DVL1: variants seen among roughly 807,000 people sequenced by gnomAD.
DVL1 encodes segment polarity protein dishevelled homolog DVL-1.
DVL1 carries 49 observed loss-of-function variants against 65.0 expected under a neutral mutation model. The ratio of observed to expected loss-of-function variants is 0.75; its 90% CI spans 0.60 to 0.96. DVL1 has a LOEUF of 0.96. DVL1 is among the 40% of genes least tolerant of loss of function. The probability of loss-of-function intolerance (pLI) is 0.00; values close to 1 mark genes in which losing one functional copy is unlikely to be tolerated. For synonymous variants in DVL1, 608 were observed against 433.9 expected (o/e 1.40, Z -4.99); for missense variants, 1,197 against 1,045.4 (o/e 1.15, Z -2.00).
At position 1,340,005 on chromosome 1, in the gene DVL1, C is replaced by T. The variant is rs1401087352; in HGVS notation, c.909+33G>A. The T allele has an allele frequency of 6.3e-6, 10 of 1,598,964 alleles. No individual in the cohort carries two copies. The East Asian group carries it at 2.2e-4, about 36-fold the overall frequency. On this transcript the variant is annotated intron_variant, in intron 8 of 14. Transcript: ENST00000378888. ...AAAGTCCCCACGGACCCACCCGCAG[C>T]TACATGTCACCCCGCAGCCCCCACA...
Position 1,349,152 on chromosome 1 carries a change from C to T in DVL1, c.-87G>A. ...GCTACCCGCCCGCCCGCCTGCGCCCCGCCCGGCCCGCACCGCTCTCGGCCC... is the reference window on the plus strand; with the variant it reads ...GCTACCCGCCCGCCCGCCTGCGCCCTGCCCGGCCCGCACCGCTCTCGGCCC... On this transcript the variant is annotated 5_prime_UTR_variant, in exon 1 of 15. Transcript: ENST00000378888. This position sits in a 1 kb window ranked among gnomAD's most constrained non-coding sequence, Gnocchi z 4.1. 1.2e-6 allele frequency: 1 copy of T among 810,820 alleles called. No individual in the cohort carries two copies. Among genetic ancestry groups the T allele is most frequent in the Non-Finnish European group, 1.5e-6 (1 of 673,164 alleles). The allele number at this position is 810,820 out of a possible 1,614,324, so 50.2% of individuals were successfully genotyped here. A position where few individuals can be genotyped will look rare whatever the true frequency, so the allele number is the denominator to read the frequency against.
chr1:1,337,721 GTCC>G, intron 14 of DVL1: 1 of 684,310 alleles, frequency 1.5e-6, no homozygotes, highest in Non-Finnish European at 2.7e-6. Flanking sequence ...ACGCTTCCCT[GTCC>G]TCCCCATTCA....
intron 1 of DVL1, among the ~76,000 whole-genome samples, chr1:1,348,325 G>GACGGGGCCCACAGGAA (rs1643951524): frequency 6.6e-6 from 1 of 152,182 alleles, no homozygotes; most frequent in African/African-American, 2.4e-5. Context: ...GCTCAGTGGG[G>GACGGGGCCCACAGGAA]ACGGGGCCCA....
intron 1 of DVL1, among the ~76,000 whole-genome samples, chr1:1,347,684 G>A (rs958779843): frequency 1.3e-5 from 2 of 152,254 alleles, no homozygotes; most frequent in Non-Finnish European, 2.9e-5. Flanking sequence ...GCCCAGAGAA[G>A]CAGGGACTGC....
Position 1,341,705 on chromosome 1 carries a change from G to C in DVL1, c.567C>G (p.Ser189Arg). 6.2e-7 allele frequency: 1 copy of C among 1,611,482 alleles called. No individual in the cohort carries two copies. Among genetic ancestry groups the C allele is most frequent in the South Asian group, 1.1e-5 (1 of 90,978 alleles). The part of the protein sequence containing the change: ...STALSSELES[S>R]SFVDSDEDGS... Reference sequence around the variant, plus strand: ...CATCCTCGTCCGAGTCCACAAAGCTGCTGGACTCAAGCTCGCTGCTGAGGG... The same window carrying C: ...CATCCTCGTCCGAGTCCACAAAGCTCCTGGACTCAAGCTCGCTGCTGAGGG... Residue 189 changes from serine to arginine, a missense_variant, in exon 5 of 15, where the codon AGC becomes AGG. Physicochemically the swap from Ser to Arg is moderately radical, Grantham distance 110. Coordinates refer to ENST00000378888, the MANE Select transcript of DVL1 (RefSeq NM_001330311.2).
In DVL1 at chr1:1,340,073, C is replaced by G; in HGVS notation, c.874G>C (p.Asp292His). Residue 292 changes from aspartate (D) to histidine (H), a missense_variant, in exon 8 of 15, where the codon GAC becomes CAC. Physicochemically the swap from Asp to His is moderately conservative, Grantham distance 81 (BLOSUM62 -1). Transcript: ENST00000378888. The stretch of plus-strand genomic sequence containing the variant: ...ATGTCGCCGGGCTCGATGCGGCCGT[C>G]AGCGGCCACAGCCCCGCCCTTCATG... Reference protein sequence around the residue: ...SIMKGGAVAADGRIEPGDMLL... With the variant: ...SIMKGGAVAAHGRIEPGDMLL... 1 of 1,613,034 alleles carries G rather than the reference C, an allele frequency of 6.2e-7. No individual in the cohort carries two copies. Among genetic ancestry groups the G allele is most frequent in the Non-Finnish European group, 8.5e-7 (1 of 1,179,938 alleles).
chr1:1,335,847 G>A lies in DVL1; in HGVS notation c.*295C>T, dbSNP rs1274511404. On this transcript the variant is annotated 3_prime_UTR_variant, in exon 15 of 15. Coordinates refer to ENST00000378888, the MANE Select transcript of DVL1 (RefSeq NM_001330311.2). ...GCTGTGCAGGAGGTGGGGGTCAGCC[G>A]AGAGCCCGAGGGGGTCTTCCTCATC... is the stretch of plus-strand genomic sequence containing the variant. 19 of 485,126 alleles carry A rather than the reference G, an allele frequency of 3.9e-5. No homozygotes were observed. Among genetic ancestry groups the A allele is most frequent in the Middle Eastern group, 5.7e-4 (1 of 1,764 alleles). 30.1% of individuals were successfully genotyped at this position (485,126 alleles called of 1,614,324 possible).
At position 1,340,325 on chromosome 1, in the gene DVL1, G is replaced by C. The variant is rs375604501; in HGVS notation, c.700-9C>G. On this transcript the variant is annotated splice_polypyrimidine_tract_variant and intron_variant, in intron 6 of 14. Transcript: ENST00000378888. ...CTGCTGAAGGAGGAGGCCTATGGAG[G>C]AGAGGGGGCGTGTGTAAAAGGCACG... The C allele has an allele frequency of 1.2e-6, 2 of 1,613,814 alleles. No individual in the cohort carries two copies. The highest frequency in any genetic ancestry group is 2.2e-5 in the South Asian group (2 of 91,090).
chr1:1,341,930 GCC>G (rs1206342962), intron 4 of DVL1, 121 bp downstream of exon 4: 640 of 1,460,868 alleles, frequency 4.4e-4, no homozygotes, highest in Non-Finnish European at 5.4e-4. Context: ...GGCTCGCTGG[GCC>G]TGTGCCTCCA....
intron 14 of DVL1, among the ~76,000 whole-genome samples, chr1:1,336,760 C>T (rs1312031132): frequency 6.6e-6 from 1 of 152,186 alleles, no homozygotes; most frequent in African/African-American, 2.4e-5. Context: ...GGCGCCCCCA[C>T]ACCTCACCCC....
At chr1:1,345,631 G>A (rs759225059) in intron 1 of DVL1, among the ~76,000 whole-genome samples, 4 of 152,182 alleles carry the variant, frequency 2.6e-5, no homozygotes, top group Non-Finnish European at 4.4e-5. Flanking sequence ...GACCCGCCCC[G>A]GGGAGGAATC....
chr1:1,347,689 G>A (rs1401454768), intron 1 of DVL1, among the ~76,000 whole-genome samples: 1 of 152,246 alleles, frequency 6.6e-6, no homozygotes, highest in Non-Finnish European at 1.5e-5. Flanking sequence ...GAGAAGCAGG[G>A]ACTGCAAGGT....
Position 1,348,947 on chromosome 1 carries a change from C to A in DVL1, c.119G>T (p.Arg40Leu). The change falls in exon 1 of 15, where the codon CGG becomes CTG. Residue 40 changes from arginine (R) to leucine (L), a missense_variant. Arg to Leu is a moderately radical substitution (Grantham distance 102). Transcript: ENST00000378888. ...LADFKNVLSN[R>L]PVHAYKFFFK... ...GAAGAATTTGTAGGCGTGCACGGGC[C>A]GGTTGCTGAGCACGTTCTTGAAGTC... 1 of 1,574,708 alleles carries A rather than the reference C, an allele frequency of 6.4e-7. No homozygotes were observed. The highest frequency in any genetic ancestry group is 1.1e-5 in the South Asian group (1 of 90,130).
chr1:1,338,229 T>TGGCCCA, intron 13 of DVL1, 40 bp downstream of exon 13: 1 of 1,522,366 alleles, frequency 6.6e-7, no homozygotes, highest in Non-Finnish European at 9.0e-7. Context: ...CCTCCGGCGT[T>TGGCCCA]CCCCTCCCCC....
In DVL1 at chr1:1,349,145, T is replaced by C. The variant is rs1399493502; in HGVS notation, c.-80A>G. On this transcript the variant is annotated 5_prime_UTR_variant, in exon 1 of 15. Transcript: ENST00000378888. This position sits in a 1 kb window ranked among gnomAD's most constrained non-coding sequence, Gnocchi z 4.1. ...GCGGGGCGCTACCCGCCCGCCCGCC[T>C]GCGCCCCGCCCGGCCCGCACCGCTC... 11 of 839,578 alleles carry C rather than the reference T, an allele frequency of 1.3e-5. No homozygotes were observed. Among genetic ancestry groups the C allele is most frequent in the African/African-American group, 1.9e-5 (1 of 51,448 alleles). 52.0% of individuals were successfully genotyped at this position (839,578 alleles called of 1,614,324 possible). A position where few individuals can be genotyped will look rare whatever the true frequency, so the allele number is the denominator to read the frequency against.
Position 1,335,942 on chromosome 1 carries a change from G to C in DVL1, c.*200C>G. On this transcript the variant is annotated 3_prime_UTR_variant, in exon 15 of 15. Coordinates refer to ENST00000378888, the MANE Select transcript of DVL1 (RefSeq NM_001330311.2). ...GCTCTCGCTGAGGGGCAGAGAGGGA[G>C]CGCCCCCAACACGGCTGCTCAGACA... 2 of 667,396 alleles carry C rather than the reference G, an allele frequency of 3.0e-6. No individual in the cohort carries two copies. Among genetic ancestry groups the C allele is most frequent in the Non-Finnish European group, 5.0e-6 (2 of 400,080 alleles). The allele number at this position is 667,396 out of a possible 1,614,324, so 41.3% of individuals were successfully genotyped here. A position where few individuals can be genotyped will look rare whatever the true frequency, so the allele number is the denominator to read the frequency against.
At chr1:1,341,119 GCCTGCACATGCACA>G (rs1464312117) in intron 5 of DVL1, among the ~76,000 whole-genome samples, 7 of 131,408 alleles carry the variant, frequency 5.3e-5, no homozygotes, top group South Asian at 2.5e-4. Flanking sequence ...GCACACGCAC[GCCTGCACATGCACA>G]CCTGCACGCA....
chr1:1,339,589 G>C lies in DVL1; in HGVS notation c.1047C>G (p.Val349=), dbSNP rs150917044. ...WDPTPRSYFT[V]PRADPVRPID... ...GCCCCGAGGGCCACTCACCCCGTGG[G>C]ACGGTGAAGTAGCTTCGGGGCGTTG... Residue 349 remains valine (V), a synonymous_variant, in exon 10 of 15, where the codon GTC becomes GTG. Transcript: ENST00000378888. The C allele has an allele frequency of 6.2e-7, 1 of 1,607,168 alleles. No individual in the cohort carries two copies. Among genetic ancestry groups the C allele is most frequent in the African/African-American group, 1.3e-5 (1 of 74,828 alleles).
rs370619119 is a variant in DVL1, at chr1:1,338,503, C to G, written c.1339+19G>C. On this transcript the variant is annotated intron_variant, in intron 12 of 14. Coordinates refer to ENST00000378888, the MANE Select transcript of DVL1 (RefSeq NM_001330311.2). ...AGCCCTGCCCCTGGCACTATCCGCC[C>G]GCGGGGACGGCCACTCACCGATGAC... 4 of 1,611,780 alleles carry G rather than the reference C, an allele frequency of 2.5e-6. No homozygotes were observed. Among genetic ancestry groups the G allele is most frequent in the Non-Finnish European group, 3.4e-6 (4 of 1,179,316 alleles).
Sources: gnomAD v4.1 joint callset for allele counts (sites outside exome capture counted in the v4.1 genomes callset) on GRCh38, gnomAD v4.1.1 for gene constraint, Gnocchi (gnomAD v3.1) non-coding constraint, MANE v1.5 for transcripts, NCBI Gene and HGNC (gene_info 2026-07-23, HGNC 2026-07-21) for gene names.